Variants in FBXL17 observed in about 807,000 individuals in gnomAD.
The protein encoded by FBXL17 is F-box and leucine rich repeat protein 17.
A neutral mutation model predicts 66.2 loss-of-function variants in FBXL17; 22 were observed. The ratio of observed to expected loss-of-function variants is 0.33; its 90% CI spans 0.24 to 0.47. The LOEUF (loss-of-function observed/expected upper bound fraction) is 0.47. FBXL17 is among the 20% of genes least tolerant of loss of function. The pLI is 1.00. For synonymous variants in FBXL17, 474 were observed against 400.5 expected, an observed-to-expected ratio of 1.18 and a Z score of -2.19; for missense variants, 878 against 948.2, an observed-to-expected ratio of 0.93 and a Z score of 0.97.
At chr5:107,941,743 T>C (rs1363144969) in intron 7 of FBXL17, among the ~76,000 whole-genome samples, 3 of 152,116 alleles carry the variant, frequency 2.0e-5, no homozygotes, top group African/African-American at 7.2e-5. Context: ...TTTCAAAAGA[T>C]AAGAAGGACC....
At chr5:108,089,844 T>C (rs1413740142) in intron 6 of FBXL17, among the ~76,000 whole-genome samples, 3 of 152,198 alleles carry the variant, frequency 2.0e-5, no homozygotes, top group Non-Finnish European at 2.9e-5. Flanking sequence ...TTGTTTTGTA[T>C]TGAGACAGGG....
At chr5:107,896,434 C>T (rs1270326891) in intron 7 of FBXL17, among the ~76,000 whole-genome samples, 1 of 149,418 alleles carries the variant, frequency 6.7e-6, no homozygotes, top group Non-Finnish European at 1.5e-5. Flanking sequence ...ATACTGTTCA[C>T]TGCTGAGCCA....
intron 7 of FBXL17, among the ~76,000 whole-genome samples, chr5:107,920,935 C>G (rs1382725427): frequency 6.6e-6 from 1 of 152,008 alleles, no homozygotes; most frequent in Non-Finnish European, 1.5e-5. Flanking sequence ...ATGTCAGGAC[C>G]ATGGTTTACA....
chr5:108,313,235 T>C (rs180834443), intron 4 of FBXL17, among the ~76,000 whole-genome samples: 7 of 152,230 alleles, frequency 4.6e-5, no homozygotes, highest in Admixed American at 4.6e-4. Flanking sequence ...ATCCATTCTA[T>C]TCAGAGAAGT....
chr5:107,989,088 T>C (rs1004577630), intron 7 of FBXL17, among the ~76,000 whole-genome samples: 4 of 152,108 alleles, frequency 2.6e-5, no homozygotes, highest in African/African-American at 4.8e-5. Context: ...GATTAAGTCA[T>C]GGTAATTGAG....
intron 6 of FBXL17, among the ~76,000 whole-genome samples, chr5:108,162,955 T>A (rs535468972): frequency 6.6e-6 from 1 of 152,156 alleles, no homozygotes; most frequent in South Asian, 2.1e-4. Context: ...CAACTATGTA[T>A]CACCAGTACA....
chr5:108,368,971 T>TCTGTGGAC (rs142716766), intron 1 of FBXL17, among the ~76,000 whole-genome samples: 3,146 of 151,280 alleles, frequency 0.021, 115 homozygotes, highest in African/African-American at 0.072. Context: ...AAGGAAATTC[T>TCTGTGGAC]CTGTGGACCT....
intron 4 of FBXL17, among the ~76,000 whole-genome samples, chr5:108,248,319 A>G (rs1756197866): frequency 6.6e-6 from 1 of 152,184 alleles, no homozygotes; most frequent in South Asian, 2.1e-4. Context: ...CCAAAACGAA[A>G]AAGTCATTGG....
intron 7 of FBXL17, among the ~76,000 whole-genome samples, chr5:107,959,987 G>C (rs529891040): frequency 1.3e-5 from 2 of 152,236 alleles, no homozygotes; most frequent in Admixed American, 1.3e-4. Flanking sequence ...CTTCCCACGT[G>C]ACACAGAAGT....
chr5:108,026,971 T>C (rs991841815), intron 6 of FBXL17, among the ~76,000 whole-genome samples: 2 of 152,162 alleles, frequency 1.3e-5, no homozygotes, highest in Non-Finnish European at 2.9e-5. Context: ...GCAGAGCAGA[T>C]GTCATTTGCT....
Position 108,381,977 on chromosome 5 carries a change from G to C in FBXL17, c.-286C>G, listed in dbSNP as rs1462943846. 8.2e-7 allele frequency: 1 copy of C among 1,218,246 alleles called. No individual in the cohort carries two copies. Among genetic ancestry groups the C allele is most frequent in the African/African-American group, 1.6e-5 (1 of 63,568 alleles). 75.5% of individuals were successfully genotyped at this position (1,218,246 alleles called of 1,614,324 possible). On this transcript the variant is annotated 5_prime_UTR_variant, in exon 1 of 9. Coordinates refer to ENST00000542267, the MANE Select transcript of FBXL17 (RefSeq NM_001163315.3). ...AGGGAGCGAGCGAGCCTGCCGGCTAGGCGACCAGTCCGGGCCCGGCCAGCC... is the reference window on the plus strand; with the variant it reads ...AGGGAGCGAGCGAGCCTGCCGGCTACGCGACCAGTCCGGGCCCGGCCAGCC...
chr5:108,301,713 A>G (rs1317273722), intron 4 of FBXL17, among the ~76,000 whole-genome samples: 1 of 151,820 alleles, frequency 6.6e-6, no homozygotes, highest in Non-Finnish European at 1.5e-5. Context: ...AGTCATTGGT[A>G]TAAATGATGT....
intron 6 of FBXL17, among the ~76,000 whole-genome samples, chr5:108,094,722 T>C (rs1238924725): frequency 6.6e-6 from 1 of 152,118 alleles, no homozygotes; most frequent in Non-Finnish European, 1.5e-5. Context: ...CATAGTCTGC[T>C]CTAAAAATGT....
In FBXL17 at chr5:107,859,189, T is replaced by C. The variant is rs932004749; in HGVS notation, c.*2531A>G. ...ACAGCAATATATTTCATAGTCTTTA[T>C]TCTGAAAATACTGTTGACATTTTGG... is the stretch of plus-strand genomic sequence containing the variant. On this transcript the variant is annotated 3_prime_UTR_variant, in exon 9 of 9. Transcript: ENST00000542267. 2.0e-5 allele frequency: 3 copies of C among 152,172 alleles called. No homozygotes were observed. The highest frequency in any genetic ancestry group is 7.2e-5 in the African/African-American group (3 of 41,446). 9.4% of individuals were successfully genotyped at this position (152,172 alleles called of 1,614,324 possible).
chr5:108,071,402 T>C (rs1023734079), intron 6 of FBXL17, among the ~76,000 whole-genome samples: 1 of 152,184 alleles, frequency 6.6e-6, no homozygotes, highest in Non-Finnish European at 1.5e-5. Context: ...ATGTGTAGAC[T>C]TGAAATTAGA....
intron 7 of FBXL17, among the ~76,000 whole-genome samples, chr5:107,979,030 A>C (rs1461999001): frequency 2.0e-5 from 3 of 152,212 alleles, no homozygotes; most frequent in African/African-American, 4.8e-5. Context: ...TCAGTTTTCT[A>C]ACTGTAAAAT....
intron 4 of FBXL17, among the ~76,000 whole-genome samples, chr5:108,304,186 C>T (rs1758729836): frequency 6.6e-6 from 1 of 151,918 alleles, no homozygotes; most frequent in Non-Finnish European, 1.5e-5. Flanking sequence ...TTCGCAGCAG[C>T]CAAAATTTCT....
intron 6 of FBXL17, among the ~76,000 whole-genome samples, chr5:108,072,994 C>T (rs1462604267): frequency 2.0e-5 from 3 of 151,998 alleles, no homozygotes; most frequent in Non-Finnish European, 4.4e-5. Flanking sequence ...TTTTTGATAG[C>T]CTTTTAAAAT....
intron 4 of FBXL17, among the ~76,000 whole-genome samples, chr5:108,347,675 GAAGGGTA>G (rs1747371549): frequency 6.6e-6 from 1 of 152,160 alleles, no homozygotes; most frequent in Non-Finnish European, 1.5e-5. Context: ...GGGACTAGAA[GAAGGGTA>G]AAATGGGGAG....
Sources: gnomAD v4.1 joint callset for allele counts (sites outside exome capture counted in the v4.1 genomes callset) on GRCh38, gnomAD v4.1.1 for gene constraint, MANE v1.5 for transcripts, NCBI Gene and HGNC (gene_info 2026-07-23, HGNC 2026-07-21) for gene names.